The following EMILIN2 variants were observed in gnomAD, a reference collection of about 807,000 sequenced individuals.
The protein encoded by EMILIN2 is elastin microfibril interfacer 2, also known as EMILIN-2.
Under a neutral mutation model 87.1 loss-of-function variants are expected in EMILIN2, and 71 were observed. The observed-to-expected ratio is 0.82, with a 90% CI of 0.67 to 0.99. The LOEUF (loss-of-function observed/expected upper bound fraction) is 0.99. Ranked by LOEUF, EMILIN2 falls within the 50% of genes least tolerant of loss-of-function variation. The pLI, the probability that EMILIN2 is intolerant of heterozygous loss-of-function variation, is 0.00. For missense variants in EMILIN2, 1,407 were observed against 1,371.8 expected (o/e 1.03, Z -0.40); for synonymous variants, 581 against 563.4 (o/e 1.03, Z -0.44).
At chr18:2,899,810 G>A (rs2076880526) in intron 4 of EMILIN2, among the ~76,000 whole-genome samples, 1 of 152,152 alleles carries the variant, frequency 6.6e-6, no homozygotes. Flanking sequence ...GGCCCAGCTT[G>A]TGAATTTCTA....
intron 2 of EMILIN2, among the ~76,000 whole-genome samples, chr18:2,873,539 CTA>C (rs1379062312): frequency 1.3e-5 from 2 of 151,828 alleles, no homozygotes; most frequent in African/African-American, 4.8e-5. Context: ...AACCCCATCT[CTA>C]CTAAAAATAC....
Position 2,906,921 on chromosome 18 carries a change from A to G in EMILIN2, c.2498A>G (p.Glu833Gly). ...RPVLPQRPPE[E>G]RPPQPPGSTG... is the part of the protein sequence containing the mutation. Reference sequence around the variant, plus strand: ...GTCCTGCCCCAGCGGCCCCCCGAGGAGAGGCCGCCCCAGCCGCCAGGCTCC... The same window carrying G: ...GTCCTGCCCCAGCGGCCCCCCGAGGGGAGGCCGCCCCAGCCGCCAGGCTCC... The change falls in exon 5 of 8, where the codon GAG (glutamate) becomes GGG (glycine). Residue 833 changes from glutamate (E) to glycine (G), a missense_variant. Glu to Gly is a moderately conservative substitution (Grantham distance 98). Transcript: ENST00000254528. 7.2e-7 allele frequency: 1 copy of G among 1,396,208 alleles called. No homozygotes were observed. Among genetic ancestry groups the G allele is most frequent in the Non-Finnish European group, 9.3e-7 (1 of 1,072,602 alleles). The allele number at this position is 1,396,208 out of a possible 1,614,324, so 86.5% of individuals were successfully genotyped here. A position where few individuals can be genotyped will look rare whatever the true frequency, so the allele number is the denominator to read the frequency against.
chr18:2,891,859 G>A lies in EMILIN2; in HGVS notation c.1732G>A (p.Asp578Asn), dbSNP rs746586975. The A allele has an allele frequency of 6.8e-6, 11 of 1,614,118 alleles. No homozygotes were observed. Among genetic ancestry groups the A allele is most frequent in the South Asian group, 1.1e-5 (1 of 91,082 alleles). ...LPNREDRAVR[D>N]SLHLLKSLND... ...AAACAGGGAAGACCGCGCAGTACGC[G>A]ACAGCCTGCACCTTTTGAAATCTCT... Residue 578 changes from aspartate to asparagine, a missense_variant, in exon 4 of 8, where the codon GAC (aspartate) becomes AAC (asparagine). Asp to Asn is a conservative substitution (Grantham distance 23, BLOSUM62 1). Coordinates refer to ENST00000254528, the MANE Select transcript of EMILIN2 (RefSeq NM_032048.3). The surrounding 1 kb of genome is among the most constrained non-coding windows in gnomAD (Gnocchi z 4.6).
intron 2 of EMILIN2, among the ~76,000 whole-genome samples, chr18:2,859,586 T>G (rs1250070696): frequency 6.6e-6 from 1 of 152,238 alleles, no homozygotes; most frequent in Admixed American, 6.5e-5. Context: ...AAGTCCCACC[T>G]ATTTATCTTT....
chr18:2,884,763 G>A (rs1165302740), intron 2 of EMILIN2, among the ~76,000 whole-genome samples: 2 of 152,152 alleles, frequency 1.3e-5, no homozygotes, highest in Non-Finnish European at 2.9e-5. Context: ...GGATTGGGGA[G>A]CCCCTGCCTT....
intron 2 of EMILIN2, among the ~76,000 whole-genome samples, chr18:2,858,815 T>C (rs932416987): frequency 3.3e-5 from 5 of 151,036 alleles, no homozygotes; most frequent in Non-Finnish European, 7.4e-5. Flanking sequence ...TTTGTATTTT[T>C]AGTTGAGACG....
chr18:2,913,665 GT>G lies in EMILIN2; in HGVS notation c.*262del. On this transcript the variant is annotated 3_prime_UTR_variant, in exon 8 of 8. Transcript: ENST00000254528. ...GGAAGACTTGGAAAGGCCTCCACCTGTATCTACACTCTGAGGGCCCTGGACT... is the reference window on the plus strand; with the variant it reads ...GGAAGACTTGGAAAGGCCTCCACCTGATCTACACTCTGAGGGCCCTGGACT... 1 of 318,572 alleles carries G rather than the reference GT, an allele frequency of 3.1e-6. No individual in the cohort carries two copies. The highest frequency in any genetic ancestry group is 5.5e-5 in the South Asian group (1 of 18,144). The allele number at this position is 318,572 out of a possible 1,614,324, so 19.7% of individuals were successfully genotyped here.
Position 2,891,552 on chromosome 18 carries a change from T to C in EMILIN2, c.1425T>C (p.Leu475=). The C allele has an allele frequency of 6.2e-7, 1 of 1,614,044 alleles. No homozygotes were observed. The highest frequency in any genetic ancestry group is 8.5e-7 in the Non-Finnish European group (1 of 1,180,024). ...ATTGCTTTTACATTGAGGAAACCCT[T>C]CGGGGCGCCATTAATGGAGAGGTGG... is the stretch of plus-strand genomic sequence containing the variant. The part of the protein sequence containing the change: ...EEHCFYIEET[L]RGAINGEVGD... The change falls in exon 4 of 8, where the codon CTT becomes CTC. Residue 475 remains leucine, a synonymous_variant. Coordinates refer to ENST00000254528, the MANE Select transcript of EMILIN2 (RefSeq NM_032048.3). The surrounding 1 kb of genome is among the most constrained non-coding windows in gnomAD (Gnocchi z 4.6).
intron 4 of EMILIN2, 77 bp from the exon 5 acceptor site, chr18:2,906,706 T>G: frequency 8.8e-7 from 1 of 1,130,910 alleles, no homozygotes. Flanking sequence ...CCGGGACTCA[T>G]GGAGGGGACC....
rs187528033 is a variant in EMILIN2 at position 2,884,304 on chromosome 18, T to A, written c.258-660T>A. On this transcript the variant is annotated intron_variant, in intron 2 of 7. Coordinates refer to ENST00000254528, the MANE Select transcript of EMILIN2 (RefSeq NM_032048.3). ...TCTCGCTGTGTCTCCCAGGCTGGAG[T>A]GCAATGGCGTGATCTCAGCTCACTG... 7.1e-4 allele frequency among the ~76,000 whole-genome samples: 108 copies of A among 151,906 alleles called. 1 individual carries two copies. The highest frequency in any genetic ancestry group is 3.4e-3 in the Middle Eastern group (1 of 294).
At chr18:2,881,742 A>G (rs544371894) in intron 2 of EMILIN2, among the ~76,000 whole-genome samples, 126 of 152,340 alleles carry the variant, frequency 8.3e-4, no homozygotes, top group African/African-American at 2.8e-3. Context: ...GCTCAGAGGA[A>G]CCACGTTTTT....
At chr18:2,862,163 A>G (rs1187613040) in intron 2 of EMILIN2, among the ~76,000 whole-genome samples, 1 of 152,198 alleles carries the variant, frequency 6.6e-6, no homozygotes, top group African/African-American at 2.4e-5. Context: ...TAGATATACA[A>G]TCATGTCATC....
chr18:2,906,564 GC>G (rs1454478047), intron 4 of EMILIN2: 3 of 370,346 alleles, frequency 8.1e-6, no homozygotes, highest in Non-Finnish European at 1.4e-5. Context: ...AAACGCCCCG[GC>G]CCCGGGCAGG....
At chr18:2,875,738 C>T (rs894734881) in intron 2 of EMILIN2, among the ~76,000 whole-genome samples, 4 of 152,218 alleles carry the variant, frequency 2.6e-5, no homozygotes, top group African/African-American at 4.8e-5. Context: ...TGTGAGTTTG[C>T]TCAGAAGGAA....
chr18:2,847,956 G>GC lies in EMILIN2; in HGVS notation c.257+26dup, dbSNP rs762544547. The GC allele has an allele frequency of 6.3e-7, 1 of 1,594,948 alleles. No individual in the cohort carries two copies. Among genetic ancestry groups the GC allele is most frequent in the Non-Finnish European group, 8.5e-7 (1 of 1,173,734 alleles). On this transcript the variant is annotated intron_variant, in intron 2 of 7. Transcript: ENST00000254528. The surrounding 1 kb of genome is among the most constrained non-coding windows in gnomAD (Gnocchi z 4.5). The stretch of plus-strand genomic sequence containing the variant: ...TGTAAGTCCTGGAGCCGGGGAGCGG[G>GC]CGGGGCGCGCCCGGGCCGGGGCGGT...
intron 2 of EMILIN2, among the ~76,000 whole-genome samples, chr18:2,850,093 ATT>A (rs71366611): frequency 0.014 from 1,667 of 122,518 alleles, 38 homozygotes; most frequent in African/African-American, 0.049. Context: ...TGCCCAGCTA[ATT>A]TTTTTTTTTT....
intron 4 of EMILIN2, among the ~76,000 whole-genome samples, chr18:2,905,764 G>A (rs1364918581): frequency 6.9e-6 from 1 of 144,814 alleles, no homozygotes; most frequent in Non-Finnish European, 1.5e-5. Context: ...CACTACCCCG[G>A]GCTAATTTTT....
intron 2 of EMILIN2, among the ~76,000 whole-genome samples, chr18:2,872,126 A>G (rs997689367): frequency 6.6e-6 from 1 of 152,220 alleles, no homozygotes; most frequent in African/African-American, 2.4e-5. Flanking sequence ...ATATCAGTAT[A>G]ATTGCTTCAT....
At chr18:2,858,061 A>G (rs1433386526) in intron 2 of EMILIN2, among the ~76,000 whole-genome samples, 2 of 151,654 alleles carry the variant, frequency 1.3e-5, no homozygotes, top group African/African-American at 4.9e-5. Context: ...TCGTGTCTGG[A>G]ACCAAAGAGC....
Sources: allele counts gnomAD v4.1 joint callset (sites outside exome capture counted in the v4.1 genomes callset), GRCh38; gene constraint gnomAD v4.1.1; non-coding constraint Gnocchi (gnomAD v3.1); transcripts MANE v1.5; gene names NCBI Gene and HGNC (gene_info 2026-07-23, HGNC 2026-07-21).